The following CNBD2 variants were observed in gnomAD, a reference collection of about 807,000 sequenced individuals.
The protein encoded by CNBD2 is cyclic nucleotide-binding domain-containing protein 2.
CNBD2 carries 64 observed loss-of-function variants against 63.7 expected under a neutral mutation model. The observed-to-expected ratio is 1.00, with a 90% CI of 0.82 to 1.24. The LOEUF (loss-of-function observed/expected upper bound fraction) is 1.24. CNBD2 is among the 50% of genes most tolerant of loss of function. The pLI is 0.00. For synonymous variants in CNBD2, 229 were observed against 255.4 expected, an observed-to-expected ratio of 0.90 and a Z score of 0.99; for missense variants, 691 against 713.5, an observed-to-expected ratio of 0.97 and a Z score of 0.36.
In CNBD2 at chr20:36,021,963, G is replaced by C. The variant is rs529497299; in HGVS notation, c.1270-1639G>C. On this transcript the variant is annotated intron_variant, in intron 10 of 11. Coordinates refer to ENST00000373973, the MANE Select transcript of CNBD2 (RefSeq NM_001365709.1). ...CCTGCAGGAAAGTGTGGGGTGGGTGGCTGCAAAGATAAGGTCCAGAAGAGG... is the reference window on the plus strand; with the variant it reads ...CCTGCAGGAAAGTGTGGGGTGGGTGCCTGCAAAGATAAGGTCCAGAAGAGG... 7.9e-5 allele frequency among the ~76,000 whole-genome samples: 12 copies of C among 152,054 alleles called. No homozygotes were observed. The South Asian group carries it at 2.5e-3, about 32-fold the overall frequency.
chr20:35,965,635 A>G (rs1484852605), upstream of CNBD2, among the ~76,000 whole-genome samples: 1 of 152,200 alleles, frequency 6.6e-6, no homozygotes, highest in Non-Finnish European at 1.5e-5. Context: ...CAGTTATAAA[A>G]TCAGGAACTG....
Position 35,972,673 on chromosome 20 carries a change from G to A in CNBD2, c.96G>A (p.Val32=), listed in dbSNP as rs1160265014. The A allele has an allele frequency of 1.2e-6, 2 of 1,614,070 alleles. No homozygotes were observed. Among genetic ancestry groups the A allele is most frequent in the African/African-American group, 1.3e-5 (1 of 75,042 alleles). Residue 32 remains valine (V), a synonymous_variant, in exon 2 of 12, where the codon GTG becomes GTA. Transcript: ENST00000373973. Reference sequence around the variant, plus strand: ...TGGATATCATCATAATGATCCGAGTGTGTAAAATGTTCCGCCAAGGCCTCA... The same window carrying A: ...TGGATATCATCATAATGATCCGAGTATGTAAAATGTTCCGCCAAGGCCTCA... ...LAMDIIIMIR[V]CKMFRQGLRG...
At chr20:36,022,163 C>T (rs541157743) in intron 10 of CNBD2, among the ~76,000 whole-genome samples, 222 of 148,582 alleles carry the variant, frequency 1.5e-3, no homozygotes, top group African/African-American at 5.4e-3. Context: ...CACCGGCCAC[C>T]ATCACCATGC....
intron 9 of CNBD2, among the ~76,000 whole-genome samples, chr20:36,008,920 GT>G (rs375467645): frequency 0.036 from 5,405 of 152,182 alleles, 339 homozygotes; most frequent in African/African-American, 0.12. Flanking sequence ...TATTTTAGAG[GT>G]CAAGGGACTT....
upstream of CNBD2, among the ~76,000 whole-genome samples, chr20:35,967,902 G>A (rs966775421): frequency 6.6e-6 from 1 of 152,168 alleles, no homozygotes; most frequent in Non-Finnish European, 1.5e-5. Context: ...CCCAAATTGA[G>A]ACTTAGCTTA....
downstream of CNBD2, among the ~76,000 whole-genome samples, chr20:35,956,059 A>G (rs752002546): frequency 7.2e-5 from 11 of 152,310 alleles, no homozygotes; most frequent in Non-Finnish European, 1.2e-4. Flanking sequence ...AGAAGGGGAA[A>G]CTGAGGCCCT....
At chr20:35,967,695 A>C (rs1371487857), upstream of CNBD2, among the ~76,000 whole-genome samples, 1 of 152,102 alleles carries the variant, frequency 6.6e-6, no homozygotes, top group Non-Finnish European at 1.5e-5. Flanking sequence ...TTTACTAAAA[A>C]TACAAAAATC....
At chr20:36,020,902 T>G (rs1037053502) in intron 10 of CNBD2, among the ~76,000 whole-genome samples, 67 of 152,138 alleles carry the variant, frequency 4.4e-4, no homozygotes, top group African/African-American at 1.5e-3. Context: ...CACCCCAGTC[T>G]TGCCAAAGAG....
chr20:35,987,528 A>G lies in CNBD2; in HGVS notation c.850A>G (p.Ser284Gly), dbSNP rs370212407. 1.2e-6 allele frequency: 2 copies of G among 1,614,178 alleles called. No homozygotes were observed. Among genetic ancestry groups the G allele is most frequent in the South Asian group, 2.2e-5 (2 of 91,080 alleles). ...FGESPFIMFI[S>G]KGSCEVLRLL... ...AGAGTCACCCTTCATCATGTTTATC[A>G]GCAAGGTGAAAAGTCTGGGGGTTGG... Residue 284 changes from serine to glycine, a missense_variant, in exon 7 of 12, where the codon AGC (serine) becomes GGC (glycine). By Grantham distance (56) the Ser-to-Gly change is moderately conservative. Coordinates refer to ENST00000373973, the MANE Select transcript of CNBD2 (RefSeq NM_001365709.1).
chr20:36,009,425 G>A (rs550421674), intron 9 of CNBD2, among the ~76,000 whole-genome samples: 1 of 151,624 alleles, frequency 6.6e-6, no homozygotes, highest in East Asian at 2.0e-4. Flanking sequence ...GATGGTCTCG[G>A]TCTCCTGACC....
chr20:35,990,562 AG>A (rs1475859790), intron 7 of CNBD2, among the ~76,000 whole-genome samples: 1 of 152,120 alleles, frequency 6.6e-6, no homozygotes, highest in Non-Finnish European at 1.5e-5. Context: ...TAGGAGGTGG[AG>A]GTTGCAGTGA....
chr20:36,002,415 G>T (rs2056926578), intron 8 of CNBD2, among the ~76,000 whole-genome samples: 1 of 151,916 alleles, frequency 6.6e-6, no homozygotes, highest in Non-Finnish European at 1.5e-5. Context: ...GGGAGACCGT[G>T]GGGAGAGGGA....
chr20:35,997,558 G>A (rs2147281103), intron 8 of CNBD2, among the ~76,000 whole-genome samples: 1 of 152,332 alleles, frequency 6.6e-6, no homozygotes. Flanking sequence ...TATTAGTGAT[G>A]TGATACTGGG....
At chr20:35,976,806 A>T (rs2056526048) in intron 3 of CNBD2, among the ~76,000 whole-genome samples, 1 of 152,188 alleles carries the variant, frequency 6.6e-6, no homozygotes. Context: ...TGCAGACCTG[A>T]CTTGATCCTG....
intron 2 of CNBD2, among the ~76,000 whole-genome samples, chr20:35,975,425 C>T (rs6060733): frequency 0.2 from 20,636 of 102,154 alleles, 2,594 homozygotes; most frequent in African/African-American, 0.37. Context: ...CTCAGCCTCC[C>T]GAGTAGCTGG....
intron 9 of CNBD2, among the ~76,000 whole-genome samples, chr20:36,009,556 G>T (rs2057030937): frequency 1.3e-5 from 2 of 152,072 alleles, no homozygotes; most frequent in African/African-American, 4.8e-5. Context: ...AACAGGCTGG[G>T]CATGGTGGCT....
At chr20:36,013,059 T>G (rs2057083740) in intron 10 of CNBD2, among the ~76,000 whole-genome samples, 1 of 152,036 alleles carries the variant, frequency 6.6e-6, no homozygotes, top group South Asian at 2.1e-4. Context: ...TACAAAAGCA[T>G]TTGTCAAAAC....
intron 3 of CNBD2, among the ~76,000 whole-genome samples, chr20:35,978,369 G>T (rs1436110189): frequency 6.7e-6 from 1 of 150,044 alleles, no homozygotes; most frequent in African/African-American, 2.5e-5. Context: ...TTTTGAGACG[G>T]AGTCGAGCTC....
chr20:36,023,571 T>C (rs2057246157), intron 10 of CNBD2, 31 bp from the exon 11 acceptor site: 2 of 1,527,446 alleles, frequency 1.3e-6, no homozygotes, highest in East Asian at 4.8e-5. Context: ...GGCCAGTCTC[T>C]GAGGTCTAAC....
Sources: allele counts gnomAD v4.1 joint callset (sites outside exome capture counted in the v4.1 genomes callset), GRCh38; gene constraint gnomAD v4.1.1; transcripts MANE v1.5; gene names NCBI Gene and HGNC (gene_info 2026-07-23, HGNC 2026-07-21).